Variants in SLC2A9 observed in about 807,000 individuals in gnomAD.
SLC2A9 encodes solute carrier family 2, facilitated glucose transporter member 9.
SLC2A9 carries 39 observed loss-of-function variants against 50.6 expected under a neutral mutation model. The ratio of observed to expected loss-of-function variants is 0.77; its 90% CI spans 0.60 to 1.01. The LOEUF is 1.01. SLC2A9 is among the 50% of genes least tolerant of loss of function. The pLI, the probability that SLC2A9 is intolerant of heterozygous loss-of-function variation, is 0.00. For synonymous variants in SLC2A9, 324 were observed against 276.9 expected (o/e 1.17, Z -1.69); for missense variants, 686 against 677.6 (o/e 1.01, Z -0.14).
rs200234557 is a variant in SLC2A9, at chr4:9,875,139, G to GGGTC, written c.1291+12427_1291+12428insGACC. 1.4e-4 allele frequency among the ~76,000 whole-genome samples: 4 copies of GGGTC among 28,256 alleles called. 2 individuals are homozygous for GGGTC. Among genetic ancestry groups the GGGTC allele is most frequent in the African/African-American group, 3.2e-4 (2 of 6,216 alleles). The allele number at this position is 28,256 out of a possible 152,430, so 18.5% of individuals were successfully genotyped here. A position where few individuals can be genotyped will look rare whatever the true frequency, so the allele number is the denominator to read the frequency against. On this transcript the variant is annotated intron_variant, in intron 10 of 11. Transcript: ENST00000264784. ...TGTCTTTAGAAATGGCCATAGGTTA[G>GGGTC]TGTCTAAGATGGGATGCTGTGTCTT...
chr4:9,852,377 C>T (rs574090776), intron 10 of SLC2A9, among the ~76,000 whole-genome samples: 4 of 151,928 alleles, frequency 2.6e-5, no homozygotes, highest in South Asian at 4.2e-4. Context: ...CTCAGCCTCC[C>T]GAGTAGCTGG....
intron 8 of SLC2A9, among the ~76,000 whole-genome samples, chr4:9,891,994 C>T (rs1241246273): frequency 6.6e-6 from 1 of 152,232 alleles, no homozygotes; most frequent in Admixed American, 6.5e-5. Context: ...CCCAAAGCCT[C>T]AGGGTTTCTC....
At chr4:9,839,331 AT>A (rs1162726141) in intron 10 of SLC2A9, among the ~76,000 whole-genome samples, 8 of 152,298 alleles carry the variant, frequency 5.3e-5, no homozygotes, top group Admixed American at 2.0e-4. Flanking sequence ...AACTAAAAAA[AT>A]AACAGATACT....
At chr4:9,859,855 T>C (rs955038958) in intron 10 of SLC2A9, among the ~76,000 whole-genome samples, 2 of 152,184 alleles carry the variant, frequency 1.3e-5, no homozygotes, top group African/African-American at 4.8e-5. Context: ...CAGCCCCAGG[T>C]GTGCTATCTT....
chr4:9,924,901 T>C (rs753452982), intron 6 of SLC2A9, among the ~76,000 whole-genome samples: 38 of 152,108 alleles, frequency 2.5e-4, no homozygotes, highest in Non-Finnish European at 4.6e-4. Flanking sequence ...AGGCCTGCCT[T>C]AGTTCAGGCC....
At chr4:9,891,016 T>G (rs895872603) in intron 8 of SLC2A9, among the ~76,000 whole-genome samples, 1 of 152,216 alleles carries the variant, frequency 6.6e-6, no homozygotes, top group Admixed American at 6.5e-5. Context: ...ACTGGATGGA[T>G]ATGGTCACCA....
rs758490501 is a variant in SLC2A9, at chr4:9,832,209, G to A, written c.1419+2672C>T. On this transcript the variant is annotated intron_variant, in intron 11 of 11. Transcript: ENST00000264784. ...CGTATGGCATCTAGAACACATACAC[G>A]TTGCTCCCATGGGCGGGCGTGAGTG... Among the ~76,000 whole-genome samples, 136 of 152,146 alleles carry A rather than the reference G, an allele frequency of 8.9e-4. 4 individuals carry two copies. The highest frequency in any genetic ancestry group is 1.8e-3 in the Admixed American group (28 of 15,278).
chr4:9,860,825 CATCTTCGGAGCTGCG>C (rs1731502438), intron 10 of SLC2A9, among the ~76,000 whole-genome samples: 1 of 152,220 alleles, frequency 6.6e-6, no homozygotes, highest in Admixed American at 6.5e-5. Flanking sequence ...CTGGTGCATG[CATCTTCGGAGCTGCG>C]ATCATGAATG....
chr4:10,016,951 C>G (rs972224555), intron 2 of SLC2A9, among the ~76,000 whole-genome samples: 1 of 152,072 alleles, frequency 6.6e-6, no homozygotes, highest in Non-Finnish European at 1.5e-5. Flanking sequence ...GCTCTGCATT[C>G]CCCCTAGGTA....
At chr4:9,790,323 C>T (rs532201884) in intron 3 of SLC2A9, among the ~76,000 whole-genome samples, 1 of 152,266 alleles carries the variant, frequency 6.6e-6, no homozygotes, top group African/African-American at 2.4e-5. Flanking sequence ...TTCCAATGGC[C>T]CTTTCCAATG....
chr4:9,887,756 A>C, intron 9 of SLC2A9, 114 bp from the exon 10 acceptor site: 1 of 717,258 alleles, frequency 1.4e-6, no homozygotes, highest in Non-Finnish European at 2.1e-6. Context: ...AGGTCACTTG[A>C]TGTCCCCAAG....
intron 3 of SLC2A9, among the ~76,000 whole-genome samples, chr4:9,791,001 G>A (rs111286581): frequency 1.4e-4 from 22 of 152,292 alleles, no homozygotes; most frequent in African/African-American, 5.1e-4. Context: ...TAATTTGAAT[G>A]TATAGTCTTT....
At chr4:9,919,028 G>A (rs1369851224) in intron 7 of SLC2A9, among the ~76,000 whole-genome samples, 1 of 152,126 alleles carries the variant, frequency 6.6e-6, no homozygotes, top group Non-Finnish European at 1.5e-5. Context: ...TGTCCCTGTG[G>A]AGAATTGAAT....
At chr4:9,932,610 G>C (rs921293175) in intron 6 of SLC2A9, among the ~76,000 whole-genome samples, 1 of 152,228 alleles carries the variant, frequency 6.6e-6, no homozygotes, top group Admixed American at 6.5e-5. Flanking sequence ...GGAAGTGAGG[G>C]AGGTGTGGGT....
intron 5 of SLC2A9, among the ~76,000 whole-genome samples, chr4:9,976,015 A>G (rs1754735484): frequency 6.6e-6 from 1 of 152,222 alleles, no homozygotes; most frequent in African/African-American, 2.4e-5. Context: ...CAAACACTGC[A>G]TGTTCTCACT....
chr4:9,808,884 A>G (rs1488077008), intron 3 of SLC2A9, among the ~76,000 whole-genome samples: 3 of 152,210 alleles, frequency 2.0e-5, no homozygotes, highest in African/African-American at 7.2e-5. Context: ...AAGGTACAAA[A>G]GAAGGTGCAA....
intron 10 of SLC2A9, among the ~76,000 whole-genome samples, chr4:9,885,961 TAA>T (rs1233039191): frequency 2.0e-5 from 3 of 152,202 alleles, no homozygotes; most frequent in Admixed American, 1.3e-4. Context: ...ATGTCTGCAT[TAA>T]ACAAATGAGT....
rs1265973944 is a variant in SLC2A9, at chr4:9,879,026, A to G, written c.1291+8541T>C. On this transcript the variant is annotated intron_variant, in intron 10 of 11. Transcript: ENST00000264784. Reference sequence around the variant, plus strand: ...GAGTATGTTTTGAATGAATTCATGAAAAATACAAGCATTTATTGAGTGCTG... The same window carrying G: ...GAGTATGTTTTGAATGAATTCATGAGAAATACAAGCATTTATTGAGTGCTG... 5 of 985,162 alleles carry G rather than the reference A, an allele frequency of 5.1e-6. No individual in the cohort carries two copies. In the Admixed American group the frequency reaches 3.1e-4, roughly 61 times the overall value. 61.0% of individuals were successfully genotyped at this position (985,162 alleles called of 1,614,324 possible).
intron 10 of SLC2A9, among the ~76,000 whole-genome samples, chr4:9,865,558 A>AC (rs1732307443): frequency 1.3e-5 from 2 of 152,214 alleles, no homozygotes; most frequent in Admixed American, 1.3e-4. Flanking sequence ...AAACTCACTA[A>AC]GCACCTTCTG....
Sources: allele counts gnomAD v4.1 joint callset (sites outside exome capture counted in the v4.1 genomes callset), GRCh38; gene constraint gnomAD v4.1.1; transcripts MANE v1.5; gene names NCBI Gene and HGNC (gene_info 2026-07-23, HGNC 2026-07-21).